The following OSBPL10 variants were observed in gnomAD, a reference collection of about 807,000 sequenced individuals.
The protein encoded by OSBPL10 is oxysterol binding protein like 10.
In OSBPL10, 49 loss-of-function variants were observed where a neutral mutation model predicts 81.7. The observed-to-expected ratio is 0.60, with a 90% CI of 0.48 to 0.76. The LOEUF is 0.76. Among genes scored for constraint, OSBPL10 ranks in the 30% least tolerant of loss-of-function variants. The pLI is 0.00. For synonymous variants in OSBPL10, 419 were observed against 383.6 expected (o/e 1.09, Z -1.08); for missense variants, 923 against 987.8 (o/e 0.93, Z 0.88).
intron 1 of OSBPL10, among the ~76,000 whole-genome samples, chr3:31,967,111 G>A (rs1489927087): frequency 6.6e-6 from 1 of 151,230 alleles, no homozygotes; most frequent in Non-Finnish European, 1.5e-5. Flanking sequence ...ATGAGATAAT[G>A]CAAGACAAAC....
At chr3:31,800,603 C>T (rs373595035) in intron 4 of OSBPL10, among the ~76,000 whole-genome samples, 1 of 152,332 alleles carries the variant, frequency 6.6e-6, no homozygotes. Context: ...AATGAGTAGG[C>T]AAAATGCTTA....
At chr3:31,884,248 GA>G (rs1178798435) in intron 1 of OSBPL10, among the ~76,000 whole-genome samples, 4 of 151,762 alleles carry the variant, frequency 2.6e-5, no homozygotes, top group South Asian at 2.1e-4. Context: ...TGCCTCAGAT[GA>G]AAAAAAAGAA....
At chr3:31,905,345 A>ATTTTTTTTTTTTTTTTTTTTTTTTTTTT (rs386396290) in intron 1 of OSBPL10, among the ~76,000 whole-genome samples, 1 of 94,818 alleles carries the variant, frequency 1.1e-5, no homozygotes, top group East Asian at 3.9e-4. Context: ...GAACCTGGTG[A>ATTTTTTTTTTTTTTTTTTTTTTTTTTTT]TTTTTTTTTT....
intron 4 of OSBPL10, among the ~76,000 whole-genome samples, chr3:31,798,595 C>CT (rs1575552102): frequency 6.6e-6 from 1 of 152,042 alleles, no homozygotes; most frequent in East Asian, 1.9e-4. Flanking sequence ...CTGTTTCTTA[C>CT]TTTTAACATG....
chr3:31,670,755 T>C (rs769042960), intron 9 of OSBPL10, 42 bp downstream of exon 9: 3 of 1,553,722 alleles, frequency 1.9e-6, no homozygotes, highest in Non-Finnish European at 2.6e-6. Context: ...ACTCAGGGCA[T>C]CTTGTTAAGA....
chr3:32,040,958 G>T (rs1390074765), intron 2 of OSBPL10, among the ~76,000 whole-genome samples: 1 of 152,184 alleles, frequency 6.6e-6, no homozygotes, highest in African/African-American at 2.4e-5. Flanking sequence ...CCTATGAAGG[G>T]GACAGTTTTA....
At position 31,879,755 on chromosome 3, in the gene OSBPL10, T is replaced by A; in HGVS notation, c.357A>T (p.Arg119=). The A allele has an allele frequency of 6.2e-7, 1 of 1,614,160 alleles. No individual in the cohort carries two copies. Among genetic ancestry groups the A allele is most frequent in the Non-Finnish European group, 8.5e-7 (1 of 1,180,028 alleles). The change falls in exon 2 of 12, where the codon CGA becomes CGT. Residue 119 remains arginine, a synonymous_variant. Coordinates refer to ENST00000396556, the MANE Select transcript of OSBPL10 (RefSeq NM_017784.5). The stretch of plus-strand genomic sequence containing the variant: ...TGGCTCCAGATAAAGACAGGACTCC[T>A]CGAGGCTTCTGGTGTTTGCTTTGCT... ...VNEQSKHQKP[R]GVLSLSGAIV...
chr3:31,699,984 G>C (rs1422859305), intron 7 of OSBPL10, among the ~76,000 whole-genome samples: 3 of 152,126 alleles, frequency 2.0e-5, no homozygotes, highest in African/African-American at 7.2e-5. Context: ...AGAGAAAAGG[G>C]GACAGTACGG....
At chr3:31,972,302 T>C (rs968718838) in intron 1 of OSBPL10, among the ~76,000 whole-genome samples, 6 of 152,288 alleles carry the variant, frequency 3.9e-5, no homozygotes, top group African/African-American at 1.2e-4. Flanking sequence ...GGCAGAAGAA[T>C]CGCTTGAACC....
chr3:32,009,197 C>T (rs1699230303), intron 2 of OSBPL10, among the ~76,000 whole-genome samples: 1 of 152,148 alleles, frequency 6.6e-6, no homozygotes, highest in African/African-American at 2.4e-5. Flanking sequence ...ATCCTTTTTG[C>T]AGAACAATAA....
At chr3:32,012,445 C>T (rs1323695060) in intron 2 of OSBPL10, among the ~76,000 whole-genome samples, 1 of 152,178 alleles carries the variant, frequency 6.6e-6, no homozygotes, top group Non-Finnish European at 1.5e-5. Flanking sequence ...GAAGGAAGCA[C>T]TAAACATGGA....
intron 2 of OSBPL10, among the ~76,000 whole-genome samples, chr3:32,004,742 G>A (rs1018637046): frequency 3.3e-5 from 5 of 152,186 alleles, no homozygotes; most frequent in Admixed American, 6.5e-5. Context: ...CTTGCAGAGC[G>A]ACAGACACAT....
chr3:32,045,205 A>G (rs978442654), intron 2 of OSBPL10, among the ~76,000 whole-genome samples: 1 of 152,178 alleles, frequency 6.6e-6, no homozygotes, highest in African/African-American at 2.4e-5. Context: ...AATTCAGGGT[A>G]TGGCTCCCAT....
intron 2 of OSBPL10, chr3:31,990,746 A>G (rs778646091): frequency 6.2e-7 from 1 of 1,614,016 alleles, no homozygotes; most frequent in South Asian, 1.1e-5. Context: ...CATGAAACAC[A>G]TAAGAGAATT....
rs1373041275 is a variant in OSBPL10 at position 32,039,949 on chromosome 3, C to G, written n.298+6542G>C. Among the ~76,000 whole-genome samples, 3 of 152,086 alleles carry G rather than the reference C, an allele frequency of 2.0e-5. No homozygotes were observed. In the East Asian group the frequency reaches 5.8e-4, roughly 29 times the overall value. ...AAATAAAACCCTGGCAGATCAAATT[C>G]AACAGTACGGTAAAAGAACAATGAA... On this transcript the variant is annotated intron_variant and non_coding_transcript_variant, in intron 2 of 3. Coordinates refer to the OSBPL10 transcript ENST00000479173.
At chr3:31,915,252 G>A (rs780101263) in intron 1 of OSBPL10, among the ~76,000 whole-genome samples, 1 of 151,860 alleles carries the variant, frequency 6.6e-6, no homozygotes, top group East Asian at 1.9e-4. Flanking sequence ...GTGGTTTCCT[G>A]GAGTTGTTCC....
chr3:31,751,785 A>G (rs1389698936), intron 4 of OSBPL10, among the ~76,000 whole-genome samples: 3 of 152,226 alleles, frequency 2.0e-5, no homozygotes, highest in African/African-American at 4.8e-5. Flanking sequence ...GAGATGTGAA[A>G]CAGAACTCTA....
chr3:31,810,010 T>C (rs952036100), intron 4 of OSBPL10, among the ~76,000 whole-genome samples: 4 of 151,922 alleles, frequency 2.6e-5, no homozygotes, highest in African/African-American at 9.7e-5. Flanking sequence ...TAGCTGGGAT[T>C]ACAGGCATGT....
At chr3:31,686,381 G>A (rs998413173) in intron 7 of OSBPL10, among the ~76,000 whole-genome samples, 8 of 152,124 alleles carry the variant, frequency 5.3e-5, no homozygotes, top group Non-Finnish European at 1.2e-4. Context: ...GGTAAAGCTT[G>A]GTAGATCTCC....
Sources: allele counts gnomAD v4.1 joint callset (sites outside exome capture counted in the v4.1 genomes callset), GRCh38; gene constraint gnomAD v4.1.1; transcripts MANE v1.5; gene names NCBI Gene and HGNC (gene_info 2026-07-23, HGNC 2026-07-21).